Variants in XRCC3 observed in about 807,000 individuals in gnomAD.
XRCC3 encodes the protein DNA repair protein XRCC3.
In XRCC3, 34 loss-of-function variants were observed where a neutral mutation model predicts 29.2. The ratio of observed to expected loss-of-function variants is 1.16; its 90% CI spans 0.88 to 1.55. The LOEUF (loss-of-function observed/expected upper bound fraction) is 1.55. Among genes scored for constraint, XRCC3 ranks in the 40% most tolerant of loss-of-function variants. XRCC3 has a pLI of 0.00. For synonymous variants in XRCC3, 223 were observed against 211.3 expected (o/e 1.06, Z -0.48); for missense variants, 463 against 467.6 (o/e 0.99, Z 0.09).
chr14:103,699,515 C>T lies in XRCC3; in HGVS notation c.623G>A (p.Arg208His), dbSNP rs1219993160. The T allele has an allele frequency of 6.8e-6, 11 of 1,612,996 alleles. No homozygotes were observed. Among genetic ancestry groups the T allele is most frequent in the Admixed American group, 5.0e-5 (3 of 59,994 alleles). Residue 208 changes from arginine (R) to histidine (H), a missense_variant, in exon 8 of 10, where the codon CGC becomes CAC. Transcript: ENST00000555055. ...TGCCACCGAGTCGATGACCACCAGG[C>T]GAGCCATGCCCCGAGACAGCAGTAC... ...VPVLLSRGMARLVVIDSVAAP... is the reference protein window; with the variant it reads ...VPVLLSRGMAHLVVIDSVAAP...
chr14:103,708,952 G>A (rs533639432), intron 4 of XRCC3: 25 of 415,570 alleles, frequency 6.0e-5, no homozygotes, highest in African/African-American at 2.0e-4. Context: ...GGCAGGTCCC[G>A]GTGCTGAGAG....
At chr14:103,708,354 C>A (rs1464993463) in intron 5 of XRCC3, 168 bp downstream of exon 5, 1 of 1,013,972 alleles carries the variant, frequency 9.9e-7, no homozygotes, top group Non-Finnish European at 1.5e-6. Context: ...GTGACCACAG[C>A]CCCATGGGTG....
At chr14:103,706,838 C>A (rs936794205) in intron 6 of XRCC3, 165 bp downstream of exon 6, 2 of 840,062 alleles carry the variant, frequency 2.4e-6, no homozygotes, top group Non-Finnish European at 1.9e-6. Flanking sequence ...TCACTTCCCC[C>A]TCCCTGTTCT....
intron 5 of XRCC3, 153 bp from the exon 6 acceptor site, chr14:103,707,368 A>T: frequency 3.0e-5 from 26 of 866,782 alleles, no homozygotes; most frequent in Non-Finnish European, 4.2e-5. Flanking sequence ...TGCTGAGGGC[A>T]GGGAGGGGGG....
intron 4 of XRCC3, chr14:103,710,674 G>A (rs573964637): frequency 2.3e-5 from 5 of 215,724 alleles, no homozygotes; most frequent in East Asian, 1.3e-4. Context: ...CCCGGGAGGC[G>A]GAGCTTGCAC....
chr14:103,706,331 A>G (rs748131537), intron 6 of XRCC3: 1 of 456,024 alleles, frequency 2.2e-6, no homozygotes, highest in South Asian at 1.5e-5. Context: ...AAGTGAGCCT[A>G]GCAGATGTGC....
rs755669319 is a variant in XRCC3, at chr14:103,707,019, G to A, written c.390C>T (p.His130=). ...LCLAVQFPRQ[H]GGLEAGAVYI... is the part of the protein sequence containing the mutation. ...GCCACTCACCAGCCTCCAGGCCTCC[G>A]TGCTGCCGCGGGAACTGCACAGCCA... Residue 130 remains histidine, a synonymous_variant, in exon 6 of 10, where the codon CAC becomes CAT. Coordinates refer to ENST00000555055, the MANE Select transcript of XRCC3 (RefSeq NM_005432.4). The A allele has an allele frequency of 2.3e-5, 36 of 1,560,460 alleles. No homozygotes were observed. Among genetic ancestry groups the A allele is most frequent in the Non-Finnish European group, 3.0e-5 (35 of 1,157,344 alleles).
In XRCC3 at chr14:103,698,674, C is replaced by T. The variant is rs55748757; in HGVS notation, c.*124G>A. On this transcript the variant is annotated 3_prime_UTR_variant, in exon 10 of 10. Coordinates refer to ENST00000555055, the MANE Select transcript of XRCC3 (RefSeq NM_005432.4). Reference sequence around the variant, plus strand: ...TCGGATGAGAAAGTGGAGCCGCTGCCCTGGAAGAGCTGTGTCTGAACCAGG... The same window carrying T: ...TCGGATGAGAAAGTGGAGCCGCTGCTCTGGAAGAGCTGTGTCTGAACCAGG... 8.5e-5 allele frequency: 74 copies of T among 870,812 alleles called. 1 individual carries two copies. In the African/African-American group the frequency reaches 8.9e-4, roughly 10 times the overall value. The allele number at this position is 870,812 out of a possible 1,614,324, so 53.9% of individuals were successfully genotyped here.
At chr14:103,704,914 C>A (rs3212071) in intron 6 of XRCC3, 1 of 152,182 alleles carries the variant, frequency 6.6e-6, no homozygotes, top group Non-Finnish European at 1.5e-5. Flanking sequence ...CCGTGGCCCA[C>A]GGGGCGTCGT....
At position 103,701,259 on chromosome 14, in the gene XRCC3, C is replaced by T. The variant is rs909133; in HGVS notation, c.562-1683G>A. On this transcript the variant is annotated intron_variant, in intron 7 of 9. Coordinates refer to ENST00000555055, the MANE Select transcript of XRCC3 (RefSeq NM_005432.4). Reference sequence around the variant, plus strand: ...TGCCGAGTGTGGCCCGGAGCTGGCCCGGGACAGCCAGGGCGGCAGGGAGGG... The same window carrying T: ...TGCCGAGTGTGGCCCGGAGCTGGCCTGGGACAGCCAGGGCGGCAGGGAGGG... 8,686 of 1,538,082 alleles carry T rather than the reference C, an allele frequency of 5.6e-3. 412 individuals are homozygous for T. In the African/African-American group the frequency reaches 0.11, roughly 19 times the overall value.
intron 5 of XRCC3, chr14:103,708,191 C>T (rs960111934): frequency 5.1e-5 from 21 of 408,572 alleles, no homozygotes; most frequent in Non-Finnish European, 9.7e-5. Flanking sequence ...CCCCATCTCA[C>T]ACCGTTCCCA....
chr14:103,698,717 G>A lies in XRCC3; in HGVS notation c.*81C>T. The stretch of plus-strand genomic sequence containing the variant: ...GAACCAGGCTCCCAGCTGTGCCACG[G>A]CCCAGGCAGACGCGTTTTAAAGGCC... On this transcript the variant is annotated 3_prime_UTR_variant, in exon 10 of 10. Coordinates refer to ENST00000555055, the MANE Select transcript of XRCC3 (RefSeq NM_005432.4). The A allele has an allele frequency of 2.3e-6, 3 of 1,321,192 alleles. No homozygotes were observed. The highest frequency in any genetic ancestry group is 3.2e-6 in the Non-Finnish European group (3 of 941,016). The allele number at this position is 1,321,192 out of a possible 1,614,324, so 81.8% of individuals were successfully genotyped here.
At chr14:103,709,845 C>G (rs2083562630) in intron 4 of XRCC3, 1 of 152,308 alleles carries the variant, frequency 6.6e-6, no homozygotes, top group East Asian at 1.9e-4. Flanking sequence ...CCCTGGTCTG[C>G]AAGCGTCGTG....
intron 6 of XRCC3, chr14:103,704,031 A>T (rs1272951856): frequency 6.5e-6 from 1 of 154,330 alleles, no homozygotes. Flanking sequence ...GTTTCATGAC[A>T]GCCCGGGGGG....
At position 103,707,233 on chromosome 14, in the gene XRCC3, T is replaced by C. The variant is rs1393787534; in HGVS notation, c.194-18A>G. ...CTGCAGTGCTAAAGGGCAGGGATAG[T>C]GTCAGGCCTGACTCTCCTGGGCCTG... On this transcript the variant is annotated intron_variant, in intron 5 of 9. Transcript: ENST00000555055. 1 of 1,548,202 alleles carries C rather than the reference T, an allele frequency of 6.5e-7. No homozygotes were observed. The highest frequency in any genetic ancestry group is 1.2e-5 in the South Asian group (1 of 83,914).
intron 8 of XRCC3, 39 bp from the exon 9 acceptor site, chr14:103,699,218 G>C (rs778626661): frequency 4.5e-6 from 7 of 1,546,096 alleles, no homozygotes; most frequent in Middle Eastern, 1.7e-4. Flanking sequence ...AACGGCTGAG[G>C]GTCTTCTCGA....
intron 6 of XRCC3, chr14:103,703,537 A>C: frequency 3.3e-6 from 2 of 607,632 alleles, no homozygotes. Flanking sequence ...CAGGAGGAAT[A>C]TGGGCTGGGT....
intron 2 of XRCC3, 113 bp from the exon 3 acceptor site, chr14:103,711,680 G>T: frequency 2.2e-6 from 1 of 456,252 alleles, no homozygotes; most frequent in Non-Finnish European, 4.4e-6. Flanking sequence ...CGGGAGGAAG[G>T]TGCTGTGGAC....
At chr14:103,708,993 C>T in intron 4 of XRCC3, 2 of 368,766 alleles carry the variant, frequency 5.4e-6, no homozygotes, top group Non-Finnish European at 1.1e-5. Context: ...AAACGACAGG[C>T]ACCCAGTTCC....
Sources: gnomAD v4.1 joint callset for allele counts on GRCh38, gnomAD v4.1.1 for gene constraint, MANE v1.5 for transcripts, NCBI Gene and HGNC (gene_info 2026-07-23, HGNC 2026-07-21) for gene names.